MAP3K5: variants seen among roughly 807,000 people sequenced by gnomAD.
MAP3K5 encodes mitogen-activated protein kinase kinase kinase 5.
In MAP3K5, 56 loss-of-function variants were observed where a neutral mutation model predicts 158.7. The ratio of observed to expected loss-of-function variants is 0.35; its 90% confidence interval spans 0.28 to 0.44. The LOEUF is 0.44. MAP3K5 is among the 20% of genes least tolerant of loss of function. The pLI, the probability that MAP3K5 is intolerant of heterozygous loss-of-function variation, is 1.00. For synonymous variants in MAP3K5, 579 were observed against 601.7 expected (o/e 0.96, Z 0.55); for missense variants, 1,294 against 1,674.8 (o/e 0.77, Z 3.97).
At position 136,557,181 on chromosome 6, in the gene MAP3K5, C is replaced by CG. The variant is rs760413464; in HGVS notation, c.*576dup. 224 of 153,238 alleles carry CG rather than the reference C, an allele frequency of 1.5e-3. 1 individual carries two copies. Among genetic ancestry groups the CG allele is most frequent in the Middle Eastern group, 3.4e-3 (1 of 296 alleles). The allele number at this position is 153,238 out of a possible 1,614,324, so 9.5% of individuals were successfully genotyped here. A position where few individuals can be genotyped will look rare whatever the true frequency, so the allele number is the denominator to read the frequency against. On this transcript the variant is annotated 3_prime_UTR_variant, in exon 30 of 30. Coordinates refer to ENST00000359015, the MANE Select transcript of MAP3K5 (RefSeq NM_005923.4). ...TACATAAACGACTCAAACAAATGTACGACAGGTCAGAAACTTAAGTTACAA... is the reference window on the plus strand; with the variant it reads ...TACATAAACGACTCAAACAAATGTACGGACAGGTCAGAAACTTAAGTTACAA...
At position 136,650,978 on chromosome 6, in the gene MAP3K5, A is replaced by G. The variant is rs1583346215; in HGVS notation, c.1788+6T>C. 2 of 1,587,652 alleles carry G rather than the reference A, an allele frequency of 1.3e-6. No homozygotes were observed. The highest frequency in any genetic ancestry group is 1.3e-5 in the African/African-American group (1 of 74,474). On this transcript the variant is annotated splice_donor_region_variant and intron_variant, in intron 11 of 29. Coordinates refer to ENST00000359015, the MANE Select transcript of MAP3K5 (RefSeq NM_005923.4). The stretch of plus-strand genomic sequence containing the variant: ...ATGCTCTTGTGTTAATAACTGCACA[A>G]TTTACCTTGTCATCAGGAAGCACGT...
At chr6:136,690,032 A>G (rs989185244) in intron 7 of MAP3K5, among the ~76,000 whole-genome samples, 1 of 152,254 alleles carries the variant, frequency 6.6e-6, no homozygotes. Flanking sequence ...TCCCTATCAT[A>G]CTAAGTACAA....
chr6:136,694,614 T>G (rs1378000803), intron 6 of MAP3K5, among the ~76,000 whole-genome samples: 1 of 152,204 alleles, frequency 6.6e-6, no homozygotes, highest in Non-Finnish European at 1.5e-5. Context: ...CAGGTTCAAG[T>G]TGGTGAAACG....
At chr6:136,622,512 T>C (rs1024360753) in intron 15 of MAP3K5, among the ~76,000 whole-genome samples, 3 of 152,228 alleles carry the variant, frequency 2.0e-5, no homozygotes, top group Admixed American at 2.0e-4. Context: ...GCTCCTCACA[T>C]GCCCGACTGG....
At chr6:136,718,666 C>T (rs1781625174) in intron 2 of MAP3K5, among the ~76,000 whole-genome samples, 1 of 152,216 alleles carries the variant, frequency 6.6e-6, no homozygotes, top group South Asian at 2.1e-4. Flanking sequence ...CAAAGGCTAG[C>T]TTAAAACAAT....
rs370378843 is a variant in MAP3K5 at position 136,618,981 on chromosome 6, AT to A, written c.2150+3866del. Reference sequence around the variant, plus strand: ...TAGTTCCTTGTAGGTAGGGGTAGGCATTTTGGGCGAGTGCAACAGAGGAGAA... The same window carrying A: ...TAGTTCCTTGTAGGTAGGGGTAGGCATTTGGGCGAGTGCAACAGAGGAGAA... On this transcript the variant is annotated intron_variant, in intron 15 of 29. Coordinates refer to ENST00000359015, the MANE Select transcript of MAP3K5 (RefSeq NM_005923.4). Among the ~76,000 whole-genome samples, 446 of 152,292 alleles carry A rather than the reference AT, an allele frequency of 2.9e-3. 3 individuals carry two copies. Among genetic ancestry groups the A allele is most frequent in the African/African-American group, 0.01 (423 of 41,560 alleles).
chr6:136,590,565 G>C (rs910823916), intron 23 of MAP3K5, among the ~76,000 whole-genome samples: 9 of 148,990 alleles, frequency 6.0e-5, no homozygotes, highest in Admixed American at 2.0e-4. Context: ...TTTTGAGACA[G>C]AGTCTCCCTC....
intron 2 of MAP3K5, among the ~76,000 whole-genome samples, chr6:136,710,909 G>A (rs908246169): frequency 6.6e-6 from 1 of 152,154 alleles, no homozygotes; most frequent in Non-Finnish European, 1.5e-5. Flanking sequence ...ATACTCCTCA[G>A]CTCCATCTTC....
At chr6:136,759,129 C>T (rs569140034) in intron 1 of MAP3K5, among the ~76,000 whole-genome samples, 4 of 152,062 alleles carry the variant, frequency 2.6e-5, no homozygotes, top group African/African-American at 9.6e-5. Context: ...CAAGATTACG[C>T]CACTGTACTC....
chr6:136,754,899 T>C (rs1783404836), intron 1 of MAP3K5, among the ~76,000 whole-genome samples: 1 of 152,056 alleles, frequency 6.6e-6, no homozygotes, highest in South Asian at 2.1e-4. Flanking sequence ...CTTCAGATGT[T>C]GGGGAAACCA....
rs548167875 is a variant in MAP3K5, at chr6:136,661,329, C to A, written c.1367-1951G>T. 2.0e-5 allele frequency among the ~76,000 whole-genome samples: 3 copies of A among 152,200 alleles called. No homozygotes were observed. In the South Asian group the frequency reaches 6.2e-4, roughly 32 times the overall value. On this transcript the variant is annotated intron_variant, in intron 8 of 29. Transcript: ENST00000359015. ...GAGAACAGCTTTGCCACTGCTGTTT[C>A]ACGAGATGAAAAAAAAATATTACAC...
chr6:136,741,179 A>G (rs919530165), intron 1 of MAP3K5, among the ~76,000 whole-genome samples: 2 of 151,944 alleles, frequency 1.3e-5, no homozygotes, highest in Non-Finnish European at 2.9e-5. Context: ...CCTCAAAAAT[A>G]TAATATATTT....
chr6:136,656,566 G>C, intron 9 of MAP3K5, 106 bp from the exon 10 acceptor site: 1 of 672,722 alleles, frequency 1.5e-6, no homozygotes, highest in Non-Finnish European at 2.5e-6. Flanking sequence ...GACATTAATA[G>C]TTATGCATTC....
chr6:136,724,853 C>T (rs765285226), intron 1 of MAP3K5, among the ~76,000 whole-genome samples: 18 of 152,086 alleles, frequency 1.2e-4, no homozygotes, highest in Non-Finnish European at 1.9e-4. Context: ...TTGAAAAATG[C>T]GTACATACCA....
At position 136,791,796 on chromosome 6, in the gene MAP3K5, T is replaced by A; in HGVS notation, c.362A>T (p.Glu121Val). ...EALQSLREACETVGATLETLH... is the reference protein window; with the variant it reads ...EALQSLREACVTVGATLETLH... ...GGTTTCCAGGGTGGCGCCCACTGTC[T>A]CGCACGCCTCCCGCAAGCTCTGCAG... The change falls in exon 1 of 30, where the codon GAG (glutamate) becomes GTG (valine). Residue 121 changes from glutamate (E) to valine (V), a missense_variant. This residue lies in a region of MAP3K5 where 690 missense variants were observed against 870.5 expected (regional missense o/e 0.79). Transcript: ENST00000359015. 6.2e-7 allele frequency: 1 copy of A among 1,613,662 alleles called. No homozygotes were observed. Among genetic ancestry groups the A allele is most frequent in the South Asian group, 1.1e-5 (1 of 91,078 alleles).
At chr6:136,714,754 AT>A (rs1423601861) in intron 2 of MAP3K5, among the ~76,000 whole-genome samples, 1 of 152,146 alleles carries the variant, frequency 6.6e-6, no homozygotes, top group Non-Finnish European at 1.5e-5. Flanking sequence ...TGGTAATTTT[AT>A]TTTTAATGTT....
intron 21 of MAP3K5, among the ~76,000 whole-genome samples, chr6:136,598,612 T>C (rs2129084170): frequency 6.6e-6 from 1 of 152,316 alleles, no homozygotes; most frequent in Admixed American, 6.5e-5. Flanking sequence ...AGACAAGTCA[T>C]GTCCCTCTCT....
intron 1 of MAP3K5, among the ~76,000 whole-genome samples, chr6:136,739,605 T>C (rs1181373441): frequency 6.6e-6 from 1 of 152,216 alleles, no homozygotes; most frequent in African/African-American, 2.4e-5. Flanking sequence ...GACCCTTTAG[T>C]GCCTTAAAAA....
intron 1 of MAP3K5, among the ~76,000 whole-genome samples, chr6:136,746,767 A>G (rs1389760324): frequency 6.6e-6 from 1 of 152,126 alleles, no homozygotes; most frequent in Non-Finnish European, 1.5e-5. Flanking sequence ...TCTGACCCCT[A>G]CTCTTCAGTA....
Sources: allele counts gnomAD v4.1 joint callset (sites outside exome capture counted in the v4.1 genomes callset), GRCh38; gene constraint gnomAD v4.1.1; regional missense constraint gnomAD v4.1.1; transcripts MANE v1.5; gene names NCBI Gene and HGNC (gene_info 2026-07-23, HGNC 2026-07-21).